Variants in RPL27A observed in about 807,000 individuals in gnomAD.
The protein encoded by RPL27A is large ribosomal subunit protein uL15.
For missense variants in RPL27A, 118 were observed against 189.4 expected (o/e 0.62, Z 2.21); for synonymous variants, 69 against 68.3 (o/e 1.01, Z -0.05).
chr11:8,684,877 T>C lies in RPL27A; in HGVS notation c.303T>C (p.Ile101=), dbSNP rs1261460408. ...AKNKTGAAPI[I]DVVRSGYYKV... ...ACAAGACTGGGGCTGCTCCCATCAT[T>C]GATGTGGTGCGATCGGTAAGTTAAT... Residue 101 remains isoleucine (I), a synonymous_variant, in exon 4 of 5, where the codon ATT becomes ATC. Transcript: ENST00000314138. 1 of 1,614,190 alleles carries C rather than the reference T, an allele frequency of 6.2e-7. No homozygotes were observed. The highest frequency in any genetic ancestry group is 1.1e-5 in the South Asian group (1 of 91,090).
chr11:8,682,801 C>G lies in RPL27A; in HGVS notation c.-13C>G, dbSNP rs774241555. Reference sequence around the variant, plus strand: ...CTTGGCGAAGGCCTTCCTTTTTCGTCTGGGCTGCCAACATGGTAGGTGTTT... The same window carrying G: ...CTTGGCGAAGGCCTTCCTTTTTCGTGTGGGCTGCCAACATGGTAGGTGTTT... On this transcript the variant is annotated 5_prime_UTR_variant, in exon 1 of 5. Coordinates refer to ENST00000314138, the MANE Select transcript of RPL27A (RefSeq NM_000990.5). 3 of 1,613,286 alleles carry G rather than the reference C, an allele frequency of 1.9e-6. No individual in the cohort carries two copies. Among genetic ancestry groups the G allele is most frequent in the African/African-American group, 2.7e-5 (2 of 74,878 alleles).
At position 8,683,804 on chromosome 11, in the gene RPL27A, A is replaced by G. The variant is rs376885669; in HGVS notation, c.68-202A>G. On this transcript the variant is annotated intron_variant, in intron 2 of 4. Coordinates refer to ENST00000314138, the MANE Select transcript of RPL27A (RefSeq NM_000990.5). ...GCGATTCTCCTGCCTCAGCCTCCCG[A>G]GTAGCTGATATTACAGGTGTGCGCC... is the stretch of plus-strand genomic sequence containing the variant. 5.3e-5 allele frequency: 31 copies of G among 581,546 alleles called. 1 individual carries two copies. The South Asian group carries it at 5.8e-4, about 11-fold the overall frequency. 36.0% of individuals were successfully genotyped at this position (581,546 alleles called of 1,614,324 possible). A position where few individuals can be genotyped will look rare whatever the true frequency, so the allele number is the denominator to read the frequency against.
Position 8,689,448 on chromosome 11 carries a change from T to A in RPL27A, c.*3642T>A, listed in dbSNP as rs752415808. On this transcript the variant is annotated 3_prime_UTR_variant, in exon 5 of 5. Transcript: ENST00000314138. Reference sequence around the variant, plus strand: ...AGCACGAAGTATGTTTTGGTGCAGTTTTTTGTTCAACCCAATGCGTATTTT... The same window carrying A: ...AGCACGAAGTATGTTTTGGTGCAGTATTTTGTTCAACCCAATGCGTATTTT... 3.3e-5 allele frequency: 5 copies of A among 152,218 alleles called. No homozygotes were observed. The highest frequency in any genetic ancestry group is 7.3e-5 in the Non-Finnish European group (5 of 68,042). The allele number at this position is 152,218 out of a possible 1,614,324, so 9.4% of individuals were successfully genotyped here.
At chr11:8,683,828 C>T (rs754766474) in intron 2 of RPL27A, 178 bp from the exon 3 acceptor site, 1 of 622,856 alleles carries the variant, frequency 1.6e-6, no homozygotes, top group Non-Finnish European at 2.9e-6. Context: ...CAGGTGTGCG[C>T]CACGACGCCC....
intron 2 of RPL27A, 196 bp downstream of exon 2, chr11:8,683,461 G>A (rs2039532258): frequency 3.3e-6 from 2 of 607,128 alleles, no homozygotes; most frequent in Admixed American, 2.9e-5. Context: ...TAGGAATTGA[G>A]CAGGCACGGT....
chr11:8,685,652 G>C, intron 4 of RPL27A, 26 bp from the exon 5 acceptor site: 2 of 1,613,628 alleles, frequency 1.2e-6, no homozygotes, highest in East Asian at 2.2e-5. Flanking sequence ...ACAGTGTATT[G>C]TAAACTTTTT....
rs912853214 is a variant in RPL27A at position 8,682,876 on chromosome 11, C to A, written c.3+60C>A. ...CGGCGGAGACCCCTAAGCTGTATTC[C>A]CATTGCCCCTAGTCATCCACTCCCT... On this transcript the variant is annotated intron_variant, in intron 1 of 4. Coordinates refer to ENST00000314138, the MANE Select transcript of RPL27A (RefSeq NM_000990.5). The A allele has an allele frequency of 2.6e-6, 4 of 1,563,552 alleles. No individual in the cohort carries two copies. The African/African-American group carries it at 5.5e-5, about 21-fold the overall frequency.
chr11:8,684,515 C>T (rs1403060822), intron 3 of RPL27A: 5 of 671,754 alleles, frequency 7.4e-6, no homozygotes, highest in East Asian at 2.5e-5. Context: ...ATCCTGGTTC[C>T]AGGAAATAAG....
Position 8,684,702 on chromosome 11 carries a change from T to C in RPL27A, c.144-16T>C, listed in dbSNP as rs992292099. 6.2e-7 allele frequency: 1 copy of C among 1,612,614 alleles called. No homozygotes were observed. Among genetic ancestry groups the C allele is most frequent in the African/African-American group, 1.3e-5 (1 of 74,914 alleles). On this transcript the variant is annotated splice_polypyrimidine_tract_variant and intron_variant, in intron 3 of 4. Coordinates refer to ENST00000314138, the MANE Select transcript of RPL27A (RefSeq NM_000990.5). ...TAATTGGAGTGTGTATGAAGGTGGT[T>C]GTTACCTCTTCCTAGCCACCCAGGC...
intron 2 of RPL27A, 174 bp from the exon 3 acceptor site, chr11:8,683,832 G>A (rs1258811011): frequency 4.8e-6 from 3 of 627,662 alleles, no homozygotes; most frequent in East Asian, 5.8e-5. Flanking sequence ...TGTGCGCCAC[G>A]ACGCCCGGCT....
At chr11:8,683,607 C>A (rs944405027) in intron 2 of RPL27A, 15 of 497,798 alleles carry the variant, frequency 3.0e-5, no homozygotes, top group Non-Finnish European at 5.5e-5. Context: ...GTAAGCGGGA[C>A]ACAGAAGTCT....
At position 8,684,475 on chromosome 11, in the gene RPL27A, C is replaced by T. The variant is rs2039564424; in HGVS notation, c.144-243C>T. The T allele has an allele frequency of 1.2e-5, 8 of 687,736 alleles. No individual in the cohort carries two copies. In the Admixed American group the frequency reaches 1.3e-4, roughly 11 times the overall value. The allele number at this position is 687,736 out of a possible 1,614,324, so 42.6% of individuals were successfully genotyped here. A position where few individuals can be genotyped will look rare whatever the true frequency, so the allele number is the denominator to read the frequency against. On this transcript the variant is annotated intron_variant, in intron 3 of 4. Transcript: ENST00000314138. ...TGTTATGTGACTTGAATTTTAGTCT[C>T]GGCCCTGCCTCTGACATTGTCGGTG...
intron 2 of RPL27A, 78 bp from the exon 3 acceptor site, chr11:8,683,928 C>G: frequency 4.4e-6 from 5 of 1,138,766 alleles, no homozygotes; most frequent in Non-Finnish European, 6.6e-6. Context: ...GTGATCTACC[C>G]CCCCTCGTCC....
In RPL27A at chr11:8,689,750, C is replaced by A. The variant is rs1424015670; in HGVS notation, c.*3944C>A. ...TATTTTACATCCCAATTTTTATTTT[C>A]CTCTCATTCCCACTTTACGTTGTTT... is the stretch of plus-strand genomic sequence containing the variant. On this transcript the variant is annotated 3_prime_UTR_variant, in exon 5 of 5. Transcript: ENST00000314138. 2.0e-5 allele frequency: 3 copies of A among 152,184 alleles called. No individual in the cohort carries two copies. The highest frequency in any genetic ancestry group is 4.4e-5 in the Non-Finnish European group (3 of 68,030). The allele number at this position is 152,184 out of a possible 1,614,324, so 9.4% of individuals were successfully genotyped here. A position where few individuals can be genotyped will look rare whatever the true frequency, so the allele number is the denominator to read the frequency against.
Position 8,684,834 on chromosome 11 carries a change from G to A in RPL27A, c.260G>A (p.Arg87Gln), listed in dbSNP as rs758843077. 29 of 1,613,882 alleles carry A rather than the reference G, an allele frequency of 1.8e-5. No homozygotes were observed. The highest frequency in any genetic ancestry group is 1.3e-4 in the African/African-American group (10 of 74,926). ...TGGACTTTGGTCAGTGAACAGACAC[G>A]GGTGAATGCTGCTAAAAACAAGACT... ...KLWTLVSEQT[R>Q]VNAAKNKTGA... The change falls in exon 4 of 5, where the codon CGG becomes CAG. Residue 87 changes from arginine (R) to glutamine (Q), a missense_variant. Coordinates refer to ENST00000314138, the MANE Select transcript of RPL27A (RefSeq NM_000990.5).
intron 1 of RPL27A, 125 bp from the exon 2 acceptor site, chr11:8,683,077 C>T (rs1482347616): frequency 1.4e-5 from 15 of 1,076,588 alleles, no homozygotes; most frequent in Non-Finnish European, 2.0e-5. Context: ...TCGGTACCCT[C>T]AGCTTTCCCA....
intron 4 of RPL27A, 90 bp from the exon 5 acceptor site, chr11:8,685,588 T>C (rs1172578541): frequency 7.0e-7 from 1 of 1,438,328 alleles, no homozygotes; most frequent in Admixed American, 1.7e-5. Context: ...CCTAGGGATT[T>C]AGAAAGTGGG....
At position 8,682,979 on chromosome 11, in the gene RPL27A, C is replaced by G. The variant is rs756295878; in HGVS notation, c.3+163C>G. 1.5e-5 allele frequency: 15 copies of G among 1,021,970 alleles called. 1 individual carries two copies. The highest frequency in any genetic ancestry group is 4.3e-4 in the Middle Eastern group (2 of 4,646). 63.3% of individuals were successfully genotyped at this position (1,021,970 alleles called of 1,614,324 possible). On this transcript the variant is annotated intron_variant, in intron 1 of 4. Transcript: ENST00000314138. ...CGGCGCGGGCCCGGGGCGGGGCTCC[C>G]GGAGCCGTGTGTTAGGCCCGCGGTT...
rs2039587957 is a variant in RPL27A, at chr11:8,686,517, A to C, written c.*711A>C. The C allele has an allele frequency of 6.6e-6, 1 of 152,198 alleles. No homozygotes were observed. The highest frequency in any genetic ancestry group is 2.4e-5 in the African/African-American group (1 of 41,448). The allele number at this position is 152,198 out of a possible 1,614,324, so 9.4% of individuals were successfully genotyped here. A position where few individuals can be genotyped will look rare whatever the true frequency, so the allele number is the denominator to read the frequency against. On this transcript the variant is annotated 3_prime_UTR_variant, in exon 5 of 5. Coordinates refer to ENST00000314138, the MANE Select transcript of RPL27A (RefSeq NM_000990.5). ...AAGTTCTGGGATTATAGTGTGAGCC[A>C]CTGCGCCCGGCCATGGCTCCTTAAT...
Sources: allele counts gnomAD v4.1 joint callset, GRCh38; gene constraint gnomAD v4.1.1; transcripts MANE v1.5; gene names NCBI Gene and HGNC (gene_info 2026-07-23, HGNC 2026-07-21).